Variants in PACRGL observed in about 807,000 individuals in gnomAD.
PACRGL encodes parkin coregulated like.
Under a neutral mutation model 34.5 loss-of-function variants are expected in PACRGL, and 38 were observed. The ratio of observed to expected loss-of-function variants is 1.10; its 90% CI spans 0.85 to 1.44. The LOEUF is 1.44. PACRGL is among the 40% of genes most tolerant of loss of function. PACRGL has a pLI of 0.00. For missense variants in PACRGL, 305 were observed against 281.4 expected, an observed-to-expected ratio of 1.08 and a Z score of -0.60; for synonymous variants, 128 against 100.1, an observed-to-expected ratio of 1.28 and a Z score of -1.66.
chr4:20,721,510 A>G (rs932197955), intron 7 of PACRGL, among the ~76,000 whole-genome samples: 5 of 151,802 alleles, frequency 3.3e-5, no homozygotes, highest in Non-Finnish European at 3.0e-5. Flanking sequence ...TTTGGTGTGG[A>G]TGTCCTTTCT....
the PACRGL span, among the ~76,000 whole-genome samples, chr4:20,762,242 TA>T: frequency 6.6e-6 from 1 of 152,140 alleles, no homozygotes; most frequent in South Asian, 2.1e-4. Context: ...GGGTCTTTTA[TA>T]AAAGGACACT....
Position 20,727,527 on chromosome 4 carries a change from T to C in PACRGL, c.*186T>C. The C allele has an allele frequency of 2.0e-6, 1 of 511,074 alleles. No homozygotes were observed. Among genetic ancestry groups the C allele is most frequent in the Non-Finnish European group, 3.5e-6 (1 of 286,676 alleles). 31.7% of individuals were successfully genotyped at this position (511,074 alleles called of 1,614,324 possible). On this transcript the variant is annotated 3_prime_UTR_variant, in exon 9 of 9. Transcript: ENST00000503585. ...AGAACAGTTACTAATGGAAAGTTAT[T>C]AAAATAAGTTCTATAAGAGTACAAT...
chr4:20,762,331 G>A, the PACRGL span, among the ~76,000 whole-genome samples: 3 of 152,226 alleles, frequency 2.0e-5, no homozygotes, highest in African/African-American at 7.2e-5. Context: ...ATCACATTGG[G>A]GGTTAGGATT....
At position 20,732,086 on chromosome 4, in the gene PACRGL, A is replaced by C; in HGVS notation, c.*4745A>C. 1 of 1,458,010 alleles carries C rather than the reference A, an allele frequency of 6.9e-7. No homozygotes were observed. Among genetic ancestry groups the C allele is most frequent in the Non-Finnish European group, 9.2e-7 (1 of 1,091,644 alleles). 90.3% of individuals were successfully genotyped at this position (1,458,010 alleles called of 1,614,324 possible). A position where few individuals can be genotyped will look rare whatever the true frequency, so the allele number is the denominator to read the frequency against. On this transcript the variant is annotated 3_prime_UTR_variant, in exon 9 of 9. Transcript: ENST00000503585. The stretch of plus-strand genomic sequence containing the variant: ...TCCATTTTCTGTTCAGGAAGAAAAC[A>C]AAAATTGTATTTAGACTTATCCCTT...
chr4:20,766,744 G>A, the PACRGL span: 1 of 152,132 alleles, frequency 6.6e-6, no homozygotes, highest in South Asian at 2.1e-4. Context: ...ACTAAGCTTT[G>A]ATACTGCAAA....
At chr4:20,714,443 TC>T (rs1450974733) in intron 7 of PACRGL, among the ~76,000 whole-genome samples, 1 of 152,348 alleles carries the variant, frequency 6.6e-6, no homozygotes, top group East Asian at 1.9e-4. Context: ...GGGTCTTGAC[TC>T]TTTATCCAAT....
intron 7 of PACRGL, among the ~76,000 whole-genome samples, chr4:20,723,767 G>A (rs563564201): frequency 1.3e-5 from 2 of 152,104 alleles, no homozygotes; most frequent in Admixed American, 6.5e-5. Flanking sequence ...TAGCTTTCCT[G>A]GGCTGCCAGC....
chr4:20,741,216 C>G (rs555522003), intron 8 of PACRGL, among the ~76,000 whole-genome samples: 1 of 152,200 alleles, frequency 6.6e-6, no homozygotes, highest in South Asian at 2.1e-4. Flanking sequence ...CTGCAGCAAG[C>G]GGACCTAATA....
Position 20,730,121 on chromosome 4 carries a change from G to A in PACRGL, c.*2780G>A. On this transcript the variant is annotated 3_prime_UTR_variant, in exon 9 of 9. Coordinates refer to ENST00000503585, the MANE Select transcript of PACRGL (RefSeq NM_001258345.3). ...CAAAGAGCTGCATGGAGCGCATTAT[G>A]TTTTCATCCTGTAAGGGAGAAACAC... 2.5e-6 allele frequency: 4 copies of A among 1,607,730 alleles called. No homozygotes were observed. Among genetic ancestry groups the A allele is most frequent in the Non-Finnish European group, 3.4e-6 (4 of 1,177,784 alleles).
At chr4:20,712,216 C>T (rs1737607327) in intron 5 of PACRGL, among the ~76,000 whole-genome samples, 1 of 150,410 alleles carries the variant, frequency 6.6e-6, no homozygotes, top group African/African-American at 2.4e-5. Flanking sequence ...TTTTTTCTTG[C>T]CTCCCCTGTT....
chr4:20,744,713 C>T (rs1470561420), intron 8 of PACRGL, among the ~76,000 whole-genome samples: 5 of 152,108 alleles, frequency 3.3e-5, no homozygotes, highest in Non-Finnish European at 7.4e-5. Context: ...CACATGTATA[C>T]ATATGTAACA....
downstream of PACRGL, chr4:20,732,578 A>C (rs1748586278): frequency 1.3e-6 from 1 of 750,338 alleles, no homozygotes; most frequent in Non-Finnish European, 2.3e-6. Flanking sequence ...TTTCAGTAAA[A>C]ATTATTTTCC....
At chr4:20,758,566 G>A in the PACRGL span, among the ~76,000 whole-genome samples, 4 of 151,830 alleles carry the variant, frequency 2.6e-5, no homozygotes, top group Non-Finnish European at 5.9e-5. Flanking sequence ...AGAAAACATT[G>A]TGCATTTGAG....
At chr4:20,742,953 T>G (rs1751505937) in intron 8 of PACRGL, among the ~76,000 whole-genome samples, 1 of 151,942 alleles carries the variant, frequency 6.6e-6, no homozygotes, top group Non-Finnish European at 1.5e-5. Flanking sequence ...ATGAGTGAAC[T>G]CCCATTCACA....
At chr4:20,720,484 T>A (rs1742523393) in intron 7 of PACRGL, among the ~76,000 whole-genome samples, 1 of 152,234 alleles carries the variant, frequency 6.6e-6, no homozygotes, top group African/African-American at 2.4e-5. Context: ...TTCCTTTCCA[T>A]GTTTAGTGTT....
At chr4:20,716,194 C>T in intron 7 of PACRGL, 1 of 1,063,330 alleles carries the variant, frequency 9.4e-7, no homozygotes, top group Non-Finnish European at 1.4e-6. Context: ...AAAGCTGTTA[C>T]TGGCTGTTAT....
At chr4:20,740,137 T>G in intron 8 of PACRGL, among the ~76,000 whole-genome samples, 1 of 151,948 alleles carries the variant, frequency 6.6e-6, no homozygotes, top group Non-Finnish European at 1.5e-5. Context: ...ACGGGGAGAA[T>G]TGAACCAAGT....
the PACRGL span, among the ~76,000 whole-genome samples, chr4:20,762,485 C>A: frequency 6.6e-6 from 1 of 152,054 alleles, no homozygotes; most frequent in Non-Finnish European, 1.5e-5. Flanking sequence ...TTTTTTAAAC[C>A]TTCAGGTGAG....
At chr4:20,702,831 A>G (rs1732790174) in intron 1 of PACRGL, 1 of 152,268 alleles carries the variant, frequency 6.6e-6, no homozygotes, top group African/African-American at 2.4e-5. Flanking sequence ...GTATTAGAAA[A>G]TGGCCCTGGG....
Sources: gnomAD v4.1 joint callset for allele counts (sites outside exome capture counted in the v4.1 genomes callset) on GRCh38, gnomAD v4.1.1 for gene constraint, MANE v1.5 for transcripts, NCBI Gene and HGNC (gene_info 2026-07-23, HGNC 2026-07-21) for gene names.